Variants in GOLGA5 observed in about 807,000 individuals in gnomAD.
The protein encoded by GOLGA5 is golgin A5, also known as golgin subfamily A member 5.
A neutral mutation model predicts 93.5 loss-of-function variants in GOLGA5; 50 were observed. The ratio of observed to expected loss-of-function variants is 0.53; its 90% CI spans 0.43 to 0.68. The LOEUF is 0.68. Ranked by LOEUF, GOLGA5 falls within the 30% of genes least tolerant of loss-of-function variation. The pLI, the probability that GOLGA5 is intolerant of heterozygous loss-of-function variation, is 0.00. For missense variants in GOLGA5, 760 were observed against 856.4 expected, an observed-to-expected ratio of 0.89 and a Z score of 1.40; for synonymous variants, 312 against 304.5, an observed-to-expected ratio of 1.02 and a Z score of -0.26.
At chr14:92,825,363 T>G (rs992554406) in intron 9 of GOLGA5, among the ~76,000 whole-genome samples, 1 of 152,208 alleles carries the variant, frequency 6.6e-6, no homozygotes, top group African/African-American at 2.4e-5. Flanking sequence ...TCTTAATTTT[T>G]ATAAGAGTTG....
At chr14:92,830,265 G>A (rs1002860938) in intron 9 of GOLGA5, among the ~76,000 whole-genome samples, 2 of 152,118 alleles carry the variant, frequency 1.3e-5, no homozygotes, top group Non-Finnish European at 2.9e-5. Context: ...TTGCAGTGAG[G>A]TGAGATCACA....
At chr14:92,815,952 G>A (rs565467114) in intron 6 of GOLGA5, among the ~76,000 whole-genome samples, 1 of 151,668 alleles carries the variant, frequency 6.6e-6, no homozygotes, top group Non-Finnish European at 1.5e-5. Flanking sequence ...TGATCCGCCC[G>A]CCTCAGCCTC....
chr14:92,801,162 A>G (rs558151142), intron 2 of GOLGA5, among the ~76,000 whole-genome samples: 1 of 152,332 alleles, frequency 6.6e-6, no homozygotes, highest in African/African-American at 2.4e-5. Flanking sequence ...TGAGATGCCT[A>G]GAAATGTGTA....
At chr14:92,829,813 A>G (rs545538287) in intron 9 of GOLGA5, among the ~76,000 whole-genome samples, 2 of 152,344 alleles carry the variant, frequency 1.3e-5, no homozygotes, top group East Asian at 3.9e-4. Context: ...AAACATCATT[A>G]CATGCTACTG....
chr14:92,824,451 G>A (rs1885374281), intron 8 of GOLGA5, 95 bp from the exon 9 acceptor site: 1 of 668,084 alleles, frequency 1.5e-6, no homozygotes. Context: ...AGCACATACT[G>A]ATTGTCTACC....
At chr14:92,835,512 A>T in intron 10 of GOLGA5, 47 bp from the exon 11 acceptor site, 1 of 1,262,852 alleles carries the variant, frequency 7.9e-7, no homozygotes, top group Non-Finnish European at 1.2e-6. Context: ...TAATTGTCTT[A>T]GTTAATTTTT....
In GOLGA5 at chr14:92,837,427, G is replaced by C; in HGVS notation, c.2093G>C (p.Arg698Pro). The change falls in exon 12 of 13, where the codon CGA (arginine) becomes CCA (proline). Residue 698 changes from arginine (R) to proline (P), a missense_variant. Physicochemically the swap from Arg to Pro is moderately radical, Grantham distance 103. Transcript: ENST00000163416. ...TTTCTCCGAAGATACCCCATAGCGC[G>C]AGTTTTTGTAATTATATATATGGTA... Reference protein sequence around the residue: ...GIFLRRYPIARVFVIIYMALL... With the variant: ...GIFLRRYPIAPVFVIIYMALL... 1 of 1,516,994 alleles carries C rather than the reference G, an allele frequency of 6.6e-7. No individual in the cohort carries two copies. Among genetic ancestry groups the C allele is most frequent in the Non-Finnish European group, 9.2e-7 (1 of 1,092,350 alleles). The allele number at this position is 1,516,994 out of a possible 1,614,324, so 94.0% of individuals were successfully genotyped here.
intron 4 of GOLGA5, 66 bp downstream of exon 4, chr14:92,809,585 T>TA (rs1885063501): frequency 1.1e-6 from 1 of 934,360 alleles, no homozygotes; most frequent in South Asian, 1.5e-5. Flanking sequence ...TGTATCCACT[T>TA]ATGAAACTTA....
Position 92,839,722 on chromosome 14 carries a change from G to T in GOLGA5, c.*276G>T, listed in dbSNP as rs1038287274. ...ATATGTAGAGAAAGATGGTGGGGTTGTTCACCTCTGTACAGACCATCTGTA... is the reference window on the plus strand; with the variant it reads ...ATATGTAGAGAAAGATGGTGGGGTTTTTCACCTCTGTACAGACCATCTGTA... On this transcript the variant is annotated 3_prime_UTR_variant, in exon 13 of 13. Transcript: ENST00000163416. 26 of 490,896 alleles carry T rather than the reference G, an allele frequency of 5.3e-5. No homozygotes were observed. The highest frequency in any genetic ancestry group is 9.1e-5 in the Non-Finnish European group (25 of 274,814). 30.4% of individuals were successfully genotyped at this position (490,896 alleles called of 1,614,324 possible).
intron 6 of GOLGA5, among the ~76,000 whole-genome samples, chr14:92,812,580 T>C (rs1457625226): frequency 6.6e-6 from 1 of 152,220 alleles, no homozygotes; most frequent in Non-Finnish European, 1.5e-5. Context: ...TCTCCTTCTT[T>C]TCCTACTACA....
At chr14:92,807,842 C>A (rs920165502) in intron 3 of GOLGA5, among the ~76,000 whole-genome samples, 1 of 152,008 alleles carries the variant, frequency 6.6e-6, no homozygotes, top group African/African-American at 2.4e-5. Context: ...AAATTGCTGC[C>A]TTGGTTCCTG....
chr14:92,823,630 G>C (rs548366750), intron 8 of GOLGA5, among the ~76,000 whole-genome samples: 42 of 151,872 alleles, frequency 2.8e-4, no homozygotes, highest in Non-Finnish European at 5.4e-4. Context: ...GCTCAGGCTG[G>C]TCTTGAACTC....
At chr14:92,799,008 C>T (rs4904987) in intron 2 of GOLGA5, among the ~76,000 whole-genome samples, 11,953 of 151,940 alleles carry the variant, frequency 0.079, 589 homozygotes, top group South Asian at 0.2. Flanking sequence ...GCTCTATCGC[C>T]GAGGCTTAAG....
At chr14:92,809,227 G>T in intron 3 of GOLGA5, 73 bp from the exon 4 acceptor site, 1 of 990,084 alleles carries the variant, frequency 1.0e-6, no homozygotes, top group Non-Finnish European at 1.6e-6. Context: ...GGCACTCAAA[G>T]TAGAAACTGT....
intron 2 of GOLGA5, among the ~76,000 whole-genome samples, chr14:92,798,221 A>G (rs1884781342): frequency 6.6e-6 from 1 of 152,184 alleles, no homozygotes; most frequent in African/African-American, 2.4e-5. Context: ...GCATCTAACA[A>G]AGTATTTCAA....
At chr14:92,812,774 T>G (rs1885128745) in intron 6 of GOLGA5, among the ~76,000 whole-genome samples, 1 of 152,216 alleles carries the variant, frequency 6.6e-6, no homozygotes, top group South Asian at 2.1e-4. Context: ...CTTCTACTGC[T>G]GTTTCTGTCT....
Position 92,837,475 on chromosome 14 carries a change from A to G in GOLGA5, c.2115+26A>G, listed in dbSNP as rs775515079. 12 of 952,366 alleles carry G rather than the reference A, an allele frequency of 1.3e-5. No homozygotes were observed. The Admixed American group carries it at 1.5e-4, about 12-fold the overall frequency. The allele number at this position is 952,366 out of a possible 1,614,324, so 59.0% of individuals were successfully genotyped here. A position where few individuals can be genotyped will look rare whatever the true frequency, so the allele number is the denominator to read the frequency against. On this transcript the variant is annotated intron_variant, in intron 12 of 12. Coordinates refer to ENST00000163416, the MANE Select transcript of GOLGA5 (RefSeq NM_005113.4). The stretch of plus-strand genomic sequence containing the variant: ...GTAAGTAAATTTATTTGAAAAAACA[A>G]TGATGCACTTGATTTTTAACTAGTT...
Position 92,797,763 on chromosome 14 carries a change from A to G in GOLGA5, c.326A>G (p.His109Arg), listed in dbSNP as rs994114647. The G allele has an allele frequency of 6.2e-7, 1 of 1,613,610 alleles. No homozygotes were observed. Among genetic ancestry groups the G allele is most frequent in the Non-Finnish European group, 8.5e-7 (1 of 1,179,808 alleles). The change falls in exon 2 of 13, where the codon CAT (histidine) becomes CGT (arginine). Residue 109 changes from histidine to arginine, a missense_variant. Transcript: ENST00000163416. ...GCATCTGTTCCTAGGCCTTCATCCC[A>G]TTTTGTGCGAAGAAAAAAGTCAGAA... ...ENASVPRPSS[H>R]FVRRKKSEPD...
In GOLGA5 at chr14:92,811,765, A is replaced by T. The variant is rs1012440966; in HGVS notation, c.1320+11A>T. On this transcript the variant is annotated intron_variant, in intron 6 of 12. Transcript: ENST00000163416. ...ACTAGAATACTGCAAGTAAGCATGA[A>T]ATGTACACTTTTGGATGTTAAGATG... The T allele has an allele frequency of 1.3e-6, 2 of 1,578,368 alleles. No individual in the cohort carries two copies.
Sources: gnomAD v4.1 joint callset for allele counts (sites outside exome capture counted in the v4.1 genomes callset) on GRCh38, gnomAD v4.1.1 for gene constraint, MANE v1.5 for transcripts, NCBI Gene and HGNC (gene_info 2026-07-23, HGNC 2026-07-21) for gene names.